LIMCH1: variants seen among roughly 807,000 people sequenced by gnomAD.
LIMCH1 encodes the protein LIM and calponin homology domains 1, also known as LIM and calponin homology domains-containing protein 1.
LIMCH1 carries 113 observed loss-of-function variants against 176.5 expected under a neutral mutation model. The observed-to-expected ratio is 0.64, with a 90% confidence interval of 0.55 to 0.75. The LOEUF is 0.75. Among genes scored for constraint, LIMCH1 ranks in the 30% least tolerant of loss-of-function variants. The pLI is 0.00. For synonymous variants in LIMCH1, 619 were observed against 645.9 expected (o/e 0.96, Z 0.63); for missense variants, 1,674 against 1,814.9 (o/e 0.92, Z 1.41).
chr4:41,492,231 T>G (rs2071203536), intron 1 of LIMCH1, among the ~76,000 whole-genome samples: 1 of 151,982 alleles, frequency 6.6e-6, no homozygotes, highest in African/African-American at 2.4e-5. Context: ...CGAAACCCCG[T>G]CTCCACCAAA....
At chr4:41,668,040 C>T (rs1489734325) in intron 21 of LIMCH1, among the ~76,000 whole-genome samples, 1 of 151,870 alleles carries the variant, frequency 6.6e-6, no homozygotes, top group East Asian at 1.9e-4. Flanking sequence ...GAGGCAAGAA[C>T]TGTAGGGTTT....
chr4:41,361,044 T>G (rs1186833910), intron 1 of LIMCH1: 2 of 668,798 alleles, frequency 3.0e-6, no homozygotes, highest in Non-Finnish European at 4.7e-6. Context: ...CGCCCCCACT[T>G]TCTTTTGCCA....
intron 1 of LIMCH1, among the ~76,000 whole-genome samples, chr4:41,394,609 C>T (rs746171326): frequency 2.0e-5 from 3 of 152,200 alleles, no homozygotes; most frequent in African/African-American, 4.8e-5. Flanking sequence ...TCTTCTTGAT[C>T]GGGGATTGTA....
rs1229428921 is a variant in LIMCH1 at position 41,419,672 on chromosome 4, C to T, written c.96+58736C>T. 5.0e-4 allele frequency among the ~76,000 whole-genome samples: 39 copies of T among 77,936 alleles called. 4 individuals are homozygous for T. The highest frequency in any genetic ancestry group is 2.3e-3 in the African/African-American group (37 of 16,400). The allele number at this position is 77,936 out of a possible 152,430, so 51.1% of individuals were successfully genotyped here. A position where few individuals can be genotyped will look rare whatever the true frequency, so the allele number is the denominator to read the frequency against. ...TTCCTCCTTCCTTCCTTCCTTCCTT[C>T]CTTCCTTCCTCCTTCCTTCCTTCCT... On this transcript the variant is annotated intron_variant, in intron 1 of 26. Coordinates refer to the LIMCH1 transcript ENST00000313860.
At chr4:41,663,933 G>A (rs2152987795) in intron 20 of LIMCH1, among the ~76,000 whole-genome samples, 1 of 150,998 alleles carries the variant, frequency 6.6e-6, no homozygotes, top group East Asian at 2.0e-4. Context: ...TCCAGATACT[G>A]TGGAGGCTTA....
At chr4:41,695,936 C>A (rs1170055483) in intron 31 of LIMCH1, among the ~76,000 whole-genome samples, 1 of 152,004 alleles carries the variant, frequency 6.6e-6, no homozygotes, top group Non-Finnish European at 1.5e-5. Context: ...AGGCTAAAAA[C>A]CATTTTTCTT....
At chr4:41,502,472 T>C (rs1301174506) in intron 2 of LIMCH1, among the ~76,000 whole-genome samples, 1 of 152,214 alleles carries the variant, frequency 6.6e-6, no homozygotes, top group African/African-American at 2.4e-5. Context: ...TCTAGATCTC[T>C]GAGGAATCGC....
In LIMCH1 at chr4:41,450,572, C is replaced by T. The variant is rs182448836; in HGVS notation, c.97-43964C>T. On this transcript the variant is annotated intron_variant, in intron 1 of 26. Coordinates refer to the LIMCH1 transcript ENST00000313860. ...ATCCCAGCACTTTGGGAGGCTGAGG[C>T]GGGCGGATCACTTGAGGTCAGGAGT... Among the ~76,000 whole-genome samples the T allele has an allele frequency of 2.4e-3, 369 of 151,796 alleles. 1 individual carries two copies. The Middle Eastern group carries it at 0.027, about 11-fold the overall frequency.
chr4:41,546,570 C>T (rs1307827066), intron 1 of LIMCH1, among the ~76,000 whole-genome samples: 1 of 151,702 alleles, frequency 6.6e-6, no homozygotes, highest in African/African-American at 2.4e-5. Context: ...CTTTTTTAGC[C>T]CCATCATTCA....
chr4:41,466,147 C>T (rs971086802), intron 1 of LIMCH1, among the ~76,000 whole-genome samples: 5 of 151,974 alleles, frequency 3.3e-5, no homozygotes, highest in Admixed American at 6.6e-5. Flanking sequence ...TTAGTAGAGA[C>T]GGGGTTTCAC....
chr4:41,452,709 G>A (rs116393718), intron 1 of LIMCH1, among the ~76,000 whole-genome samples: 3,083 of 152,176 alleles, frequency 0.02, 76 homozygotes, highest in South Asian at 0.11. Context: ...CTTCTGCACC[G>A]CAAGGCCAGT....
chr4:41,690,912 T>G (rs912510246), intron 30 of LIMCH1, among the ~76,000 whole-genome samples: 4 of 152,222 alleles, frequency 2.6e-5, no homozygotes, highest in African/African-American at 9.6e-5. Flanking sequence ...AGATAATGTA[T>G]GTCCTAAATG....
chr4:41,602,566 C>T (rs1239090134), intron 2 of LIMCH1, among the ~76,000 whole-genome samples: 1 of 151,886 alleles, frequency 6.6e-6, no homozygotes. Flanking sequence ...AATTAAAAAC[C>T]CTAGCAGATT....
chr4:41,692,645 C>T, intron 31 of LIMCH1: 1 of 350,358 alleles, frequency 2.9e-6, no homozygotes, highest in Admixed American at 4.2e-5. Context: ...GAGCTCACTA[C>T]AGAGATTTTG....
intron 1 of LIMCH1, among the ~76,000 whole-genome samples, chr4:41,577,868 T>C (rs996223954): frequency 1.3e-5 from 2 of 152,180 alleles, no homozygotes; most frequent in East Asian, 3.8e-4. Context: ...CCAACATAAG[T>C]GTATACCATA....
At chr4:41,626,645 G>A in intron 7 of LIMCH1, 63 bp from the exon 8 acceptor site, 2 of 1,321,458 alleles carry the variant, frequency 1.5e-6, no homozygotes, top group Admixed American at 2.1e-5. Context: ...TCTGTCTAGA[G>A]ATGGAGATTT....
At chr4:41,513,236 A>T (rs1187018494) in intron 2 of LIMCH1, among the ~76,000 whole-genome samples, 1 of 152,230 alleles carries the variant, frequency 6.6e-6, no homozygotes, top group African/African-American at 2.4e-5. Context: ...GTTATTACTT[A>T]AATACTACAT....
intron 5 of LIMCH1, among the ~76,000 whole-genome samples, chr4:41,618,791 T>A (rs1458211021): frequency 6.6e-6 from 1 of 152,246 alleles, no homozygotes; most frequent in Non-Finnish European, 1.5e-5. Context: ...AATTTTTATT[T>A]GCTGGAGTAT....
At chr4:41,588,143 T>A (rs955699915) in intron 1 of LIMCH1, among the ~76,000 whole-genome samples, 6 of 151,914 alleles carry the variant, frequency 3.9e-5, no homozygotes, top group Admixed American at 2.0e-4. Context: ...TGTCCATGTG[T>A]TCTCATTGTT....
Sources: gnomAD v4.1 joint callset for allele counts (sites outside exome capture counted in the v4.1 genomes callset) on GRCh38, gnomAD v4.1.1 for gene constraint, MANE v1.5 for transcripts, NCBI Gene and HGNC (gene_info 2026-07-23, HGNC 2026-07-21) for gene names.